BCAR3: variants seen among roughly 807,000 people sequenced by gnomAD.
BCAR3 encodes the protein breast cancer anti-estrogen resistance protein 3.
A neutral mutation model predicts 80.1 loss-of-function variants in BCAR3; 37 were observed. That is an observed-to-expected ratio of 0.46 (90% CI 0.36 to 0.61). The LOEUF is 0.61. Ranked by LOEUF, BCAR3 falls within the 20% of genes least tolerant of loss-of-function variation. The probability of loss-of-function intolerance (pLI) is 0.00; values close to 1 mark genes in which losing one functional copy is unlikely to be tolerated. For synonymous variants in BCAR3, 389 were observed against 418.9 expected, an observed-to-expected ratio of 0.93 and a Z score of 0.87; for missense variants, 978 against 1,068.2, an observed-to-expected ratio of 0.92 and a Z score of 1.18.
intron 11 of BCAR3, 105 bp downstream of exon 11, chr1:93,567,174 C>A: frequency 7.3e-7 from 1 of 1,361,014 alleles, no homozygotes; most frequent in Non-Finnish European, 1.0e-6. Flanking sequence ...TTCTTTAATC[C>A]TTCCTTTTTG....
chr1:93,781,379 G>A (rs1332429877), intron 2 of BCAR3, among the ~76,000 whole-genome samples: 1 of 152,140 alleles, frequency 6.6e-6, no homozygotes, highest in Non-Finnish European at 1.5e-5. Flanking sequence ...CTGACCCTCA[G>A]TGTGTGCCAG....
At chr1:93,716,677 C>T (rs1289420765) in intron 2 of BCAR3, among the ~76,000 whole-genome samples, 1 of 152,212 alleles carries the variant, frequency 6.6e-6, no homozygotes, top group African/African-American at 2.4e-5. Context: ...AGCAGGTGAC[C>T]ACCATAGGAA....
chr1:93,828,716 A>T, intron 2 of BCAR3, among the ~76,000 whole-genome samples: 1 of 151,628 alleles, frequency 6.6e-6, no homozygotes, highest in African/African-American at 2.4e-5. Context: ...TTTTTTTGAG[A>T]CAGGATCTTG....
In BCAR3 at chr1:93,721,618, G is replaced by A. The variant is rs566794482; in HGVS notation, c.-62-15476C>T. On this transcript the variant is annotated intron_variant, in intron 2 of 13. Transcript: ENST00000370244. Reference sequence around the variant, plus strand: ...CCTAAGTATGGTGGAGAATGCTTGAGGCACATCTTCTATCTGTGCTCCAAG... The same window carrying A: ...CCTAAGTATGGTGGAGAATGCTTGAAGCACATCTTCTATCTGTGCTCCAAG... 2.0e-5 allele frequency among the ~76,000 whole-genome samples: 3 copies of A among 152,296 alleles called. No homozygotes were observed. In the East Asian group the frequency reaches 5.8e-4, roughly 29 times the overall value.
intron 11 of BCAR3, among the ~76,000 whole-genome samples, chr1:93,565,538 TAA>T (rs1672908001): frequency 6.6e-6 from 1 of 152,224 alleles, no homozygotes. Flanking sequence ...CAGTGACCTT[TAA>T]AGTGATTTAA....
intron 2 of BCAR3, among the ~76,000 whole-genome samples, chr1:93,643,290 C>T (rs899770848): frequency 4.7e-5 from 7 of 150,414 alleles, no homozygotes; most frequent in Admixed American, 3.3e-4. Context: ...TTGGGGGGGC[C>T]GAGGCAGGCG....
intron 4 of BCAR3, among the ~76,000 whole-genome samples, chr1:93,591,163 T>C (rs1460574274): frequency 1.9e-5 from 2 of 102,570 alleles, no homozygotes; most frequent in African/African-American, 9.4e-5. Context: ...AGAAATCTAC[T>C]ACATTAAAAA....
intron 2 of BCAR3, among the ~76,000 whole-genome samples, chr1:93,643,543 CTCAAAAAAAAAAA>C (rs1557637006): frequency 3.1e-3 from 134 of 42,862 alleles, no homozygotes; most frequent in African/African-American, 0.013. Context: ...AAGACTCTTT[CTCAAAAAAAAAAA>C]AAAAAAAAAA....
At chr1:93,724,647 C>A (rs934942109) in intron 2 of BCAR3, among the ~76,000 whole-genome samples, 1 of 152,132 alleles carries the variant, frequency 6.6e-6, no homozygotes, top group Non-Finnish European at 1.5e-5. Flanking sequence ...AGCCTGGTGT[C>A]CAAGGACTCT....
At chr1:93,591,624 T>TA (rs1313333365) in intron 4 of BCAR3, among the ~76,000 whole-genome samples, 3 of 152,198 alleles carry the variant, frequency 2.0e-5, no homozygotes, top group Non-Finnish European at 4.4e-5. Flanking sequence ...TCTGCAGACT[T>TA]ACTCTATTTT....
At chr1:93,594,447 A>T (rs1036847992) in intron 3 of BCAR3, 2 of 152,362 alleles carry the variant, frequency 1.3e-5, no homozygotes, top group African/African-American at 2.4e-5. Context: ...ACCATTCTGG[A>T]CGGTGAGTGG....
chr1:93,786,192 CAAAAAAAAAAAAAAA>C lies in BCAR3; in HGVS notation c.-63+59360_-63+59374del, dbSNP rs61644309. 8.6e-5 allele frequency among the ~76,000 whole-genome samples: 2 copies of C among 23,242 alleles called. 1 individual carries two copies. The highest frequency in any genetic ancestry group is 1.4e-4 in the Non-Finnish European group (2 of 14,020). 15.2% of individuals were successfully genotyped at this position (23,242 alleles called of 152,430 possible). Reference sequence around the variant, plus strand: ...TGGGCGTCAGAGCGAGACTCCGTCTCAAAAAAAAAAAAAAAAAAAAAAAAAAAGTGCCATGCATTT... The same window carrying C: ...TGGGCGTCAGAGCGAGACTCCGTCTCAAAAAAAAAAAAGTGCCATGCATTT... On this transcript the variant is annotated intron_variant, in intron 2 of 13. Transcript: ENST00000370244.
chr1:93,812,350 T>G (rs1028435668), intron 2 of BCAR3, among the ~76,000 whole-genome samples: 1 of 152,098 alleles, frequency 6.6e-6, no homozygotes, highest in Non-Finnish European at 1.5e-5. Context: ...CCCTCTCCTA[T>G]CTGCCCTTCA....
chr1:93,632,801 T>C (rs537255175), intron 3 of BCAR3, among the ~76,000 whole-genome samples: 1 of 152,286 alleles, frequency 6.6e-6, no homozygotes, highest in Non-Finnish European at 1.5e-5. Flanking sequence ...GTGGATCACC[T>C]GAGGTCAGGA....
chr1:93,660,196 A>G (rs1372913264), intron 2 of BCAR3, among the ~76,000 whole-genome samples: 2 of 152,156 alleles, frequency 1.3e-5, no homozygotes, highest in African/African-American at 4.8e-5. Flanking sequence ...TTGTTCTTGG[A>G]TTGACAGGCC....
chr1:93,637,459 T>A (rs1326645723), intron 3 of BCAR3, among the ~76,000 whole-genome samples: 2 of 152,102 alleles, frequency 1.3e-5, no homozygotes, highest in African/African-American at 4.8e-5. Context: ...CCAGAGGAGA[T>A]AATATACATT....
At chr1:93,767,455 T>G (rs1652194460) in intron 2 of BCAR3, among the ~76,000 whole-genome samples, 1 of 151,708 alleles carries the variant, frequency 6.6e-6, no homozygotes, top group African/African-American at 2.4e-5. Flanking sequence ...GCCTGGGAAG[T>G]TGAGGCTGCA....
chr1:93,821,498 C>T (rs1654221229), intron 2 of BCAR3, among the ~76,000 whole-genome samples: 3 of 152,114 alleles, frequency 2.0e-5, no homozygotes, highest in Admixed American at 6.5e-5. Context: ...CACTAAATAC[C>T]GTAGCCCCAA....
chr1:93,567,929 G>C (rs1467648532), intron 9 of BCAR3, 78 bp from the exon 10 acceptor site: 3 of 1,190,136 alleles, frequency 2.5e-6, no homozygotes, highest in African/African-American at 3.0e-5. Context: ...GCTCACGCCT[G>C]TAATGCCAGC....
Sources: gnomAD v4.1 joint callset for allele counts (sites outside exome capture counted in the v4.1 genomes callset) on GRCh38, gnomAD v4.1.1 for gene constraint, MANE v1.5 for transcripts, NCBI Gene and HGNC (gene_info 2026-07-23, HGNC 2026-07-21) for gene names.